Variants in PCSK2 observed in about 807,000 individuals in gnomAD.
PCSK2 encodes the protein neuroendocrine convertase 2.
Under a neutral mutation model 69.7 loss-of-function variants are expected in PCSK2, and 14 were observed. The observed-to-expected ratio is 0.20, with a 90% CI of 0.13 to 0.31. PCSK2 has a LOEUF of 0.31. PCSK2 is among the 10% of genes least tolerant of loss of function. The pLI, the probability that PCSK2 is intolerant of heterozygous loss-of-function variation, is 1.00. For missense variants in PCSK2, 544 were observed against 842.5 expected (o/e 0.65, Z 4.39); for synonymous variants, 307 against 320.7 (o/e 0.96, Z 0.46).
intron 6 of PCSK2, among the ~76,000 whole-genome samples, chr20:17,426,226 T>A (rs1387643576): frequency 6.6e-6 from 1 of 152,192 alleles, no homozygotes; most frequent in African/African-American, 2.4e-5. Context: ...TTACAAGATC[T>A]GATGGTTTTA....
chr20:17,268,961 G>A (rs13040470), intron 2 of PCSK2, among the ~76,000 whole-genome samples: 3,380 of 152,310 alleles, frequency 0.022, 57 homozygotes, highest in Non-Finnish European at 0.035. Context: ...AATGGGAGAG[G>A]AAGTGAGAAG....
intron 2 of PCSK2, among the ~76,000 whole-genome samples, chr20:17,353,731 T>A (rs141967259): frequency 5.6e-4 from 86 of 152,254 alleles, no homozygotes; most frequent in African/African-American, 2.0e-3. Flanking sequence ...TGCAAAGACA[T>A]GAAATCAACC....
chr20:17,255,907 A>T lies in PCSK2; in HGVS notation c.178-4333A>T, dbSNP rs186123258. Among the ~76,000 whole-genome samples the T allele has an allele frequency of 4.1e-3, 631 of 152,220 alleles. 4 individuals carry two copies. Among genetic ancestry groups the T allele is most frequent in the African/African-American group, 0.014 (599 of 41,538 alleles). ...TTTTGCCATATTTGTAAGGGATCAC[A>T]ATCTGTAGTTTTCTTTTCTTGTGGT... On this transcript the variant is annotated intron_variant, in intron 1 of 11. Transcript: ENST00000262545.
At chr20:17,329,985 A>C (rs1990168962) in intron 2 of PCSK2, among the ~76,000 whole-genome samples, 1 of 152,246 alleles carries the variant, frequency 6.6e-6, no homozygotes. Context: ...CATAATATGA[A>C]GTAGCCACAT....
At chr20:17,287,049 A>T (rs1377329695) in intron 2 of PCSK2, among the ~76,000 whole-genome samples, 2 of 152,222 alleles carry the variant, frequency 1.3e-5, no homozygotes, top group African/African-American at 4.8e-5. Context: ...CCTCTTCCTT[A>T]AGCGGACCAT....
chr20:17,482,991 G>C lies in PCSK2; in HGVS notation c.*921G>C, dbSNP rs1225591889. On this transcript the variant is annotated 3_prime_UTR_variant, in exon 12 of 12. Coordinates refer to ENST00000262545, the MANE Select transcript of PCSK2 (RefSeq NM_002594.5). ...GTCCCTTTTCCTAAGTCACTTTGAG[G>C]TGTCTCAATCTGATCTGAGTGAGAG... 1 of 151,638 alleles carries C rather than the reference G, an allele frequency of 6.6e-6. No homozygotes were observed. The highest frequency in any genetic ancestry group is 1.9e-4 in the East Asian group (1 of 5,176). The allele number at this position is 151,638 out of a possible 1,614,324, so 9.4% of individuals were successfully genotyped here.
chr20:17,326,689 A>G (rs1331454813), intron 2 of PCSK2, among the ~76,000 whole-genome samples: 1 of 152,234 alleles, frequency 6.6e-6, no homozygotes, highest in Non-Finnish European at 1.5e-5. Flanking sequence ...TGACAGCAAG[A>G]ATTATTGCTT....
intron 5 of PCSK2, among the ~76,000 whole-genome samples, chr20:17,390,421 G>A (rs2031342570): frequency 1.3e-5 from 2 of 152,138 alleles, no homozygotes; most frequent in South Asian, 4.1e-4. Flanking sequence ...TAAAAAACAT[G>A]ATTTAAAGCA....
chr20:17,278,626 C>G (rs940397148), intron 2 of PCSK2, among the ~76,000 whole-genome samples: 1 of 151,896 alleles, frequency 6.6e-6, no homozygotes, highest in African/African-American at 2.4e-5. Flanking sequence ...TGCTAAATGA[C>G]GAGTTAATGG....
chr20:17,339,424 C>T (rs1990445956), intron 2 of PCSK2, among the ~76,000 whole-genome samples: 1 of 152,278 alleles, frequency 6.6e-6, no homozygotes, highest in East Asian at 1.9e-4. Flanking sequence ...GACATTTCCT[C>T]ATTGGCTTTG....
In PCSK2 at chr20:17,313,250, T is replaced by G. The variant is rs532511902; in HGVS notation, c.283-45077T>G. Among the ~76,000 whole-genome samples, 3 of 152,206 alleles carry G rather than the reference T, an allele frequency of 2.0e-5. No individual in the cohort carries two copies. In the South Asian group the frequency reaches 6.2e-4, roughly 32 times the overall value. Reference sequence around the variant, plus strand: ...GTGTATTGTCCACTCACAGCACACCTCAACTCAGACCAGCCACGTTTCCAG... The same window carrying G: ...GTGTATTGTCCACTCACAGCACACCGCAACTCAGACCAGCCACGTTTCCAG... On this transcript the variant is annotated intron_variant, in intron 2 of 11. Coordinates refer to ENST00000262545, the MANE Select transcript of PCSK2 (RefSeq NM_002594.5).
intron 5 of PCSK2, among the ~76,000 whole-genome samples, chr20:17,370,345 C>T (rs529442504): frequency 6.6e-6 from 1 of 152,088 alleles, no homozygotes; most frequent in African/African-American, 2.4e-5. Context: ...CTACGTTGCA[C>T]AAAGAAAGGG....
At chr20:17,472,208 C>G (rs890208381) in intron 11 of PCSK2, among the ~76,000 whole-genome samples, 1 of 152,236 alleles carries the variant, frequency 6.6e-6, no homozygotes, top group African/African-American at 2.4e-5. Context: ...GGACTGTTCA[C>G]TGAGCTCCTT....
chr20:17,261,089 T>G (rs1240350713), intron 2 of PCSK2, among the ~76,000 whole-genome samples: 1 of 152,274 alleles, frequency 6.6e-6, no homozygotes, highest in Middle Eastern at 3.4e-3. Context: ...CCTTTCAGAA[T>G]AGGACCTTTA....
chr20:17,245,767 C>T (rs1219869912), intron 1 of PCSK2, among the ~76,000 whole-genome samples: 1 of 152,136 alleles, frequency 6.6e-6, no homozygotes, highest in African/African-American at 2.4e-5. Context: ...TCAGAGCTAA[C>T]AAGTGCAATG....
chr20:17,337,724 A>T (rs573114463), intron 2 of PCSK2, among the ~76,000 whole-genome samples: 1 of 152,220 alleles, frequency 6.6e-6, no homozygotes, highest in East Asian at 1.9e-4. Flanking sequence ...CAGGAGTTGG[A>T]GACTAGCCTG....
intron 2 of PCSK2, among the ~76,000 whole-genome samples, chr20:17,329,412 A>T (rs968393725): frequency 1.3e-5 from 2 of 150,938 alleles, no homozygotes; most frequent in African/African-American, 5.0e-5. Flanking sequence ...AAACTTATGA[A>T]AATGTTCCCA....
intron 11 of PCSK2, among the ~76,000 whole-genome samples, chr20:17,475,282 A>AGACCACAGTTAGCAGCCAAT (rs1280946447): frequency 1.3e-5 from 2 of 151,628 alleles, no homozygotes; most frequent in East Asian, 4.0e-4. Context: ...CACAAGCAGA[A>AGACCACAGTTAGCAGCCAAT]GACCACAGTT....
intron 2 of PCSK2, among the ~76,000 whole-genome samples, chr20:17,268,825 A>C (rs572387625): frequency 6.6e-6 from 1 of 152,344 alleles, no homozygotes; most frequent in Admixed American, 6.5e-5. Flanking sequence ...ATTTCAGAAG[A>C]GAAAAGCCAG....
Sources: gnomAD v4.1 joint callset for allele counts (sites outside exome capture counted in the v4.1 genomes callset) on GRCh38, gnomAD v4.1.1 for gene constraint, MANE v1.5 for transcripts, NCBI Gene and HGNC (gene_info 2026-07-23, HGNC 2026-07-21) for gene names.